Variants in CTDP1 observed in about 807,000 individuals in gnomAD.
The protein encoded by CTDP1 is RNA polymerase II subunit A C-terminal domain phosphatase.
In CTDP1, 47 loss-of-function variants were observed where a neutral mutation model predicts 91.8. The ratio of observed to expected loss-of-function variants is 0.51; its 90% confidence interval spans 0.41 to 0.65. CTDP1 has a LOEUF of 0.65. CTDP1 is among the 30% of genes least tolerant of loss of function. The pLI is 0.00. For synonymous variants in CTDP1, 656 were observed against 598.5 expected (o/e 1.10, Z -1.40); for missense variants, 1,272 against 1,373.7 (o/e 0.93, Z 1.17).
intron 11 of CTDP1, among the ~76,000 whole-genome samples, chr18:79,729,563 C>T (rs141945875): frequency 6.0e-4 from 91 of 152,356 alleles, no homozygotes; most frequent in Admixed American, 1.8e-3. Flanking sequence ...CACAGCATCT[C>T]GTTATCACAG....
intron 1 of CTDP1, among the ~76,000 whole-genome samples, chr18:79,691,423 G>T (rs2085618075): frequency 6.6e-6 from 1 of 152,176 alleles, no homozygotes; most frequent in Non-Finnish European, 1.5e-5. Context: ...GCAGCCTAGT[G>T]TCAATGTGCG....
intron 3 of CTDP1, 99 bp from the exon 4 acceptor site, chr18:79,697,761 G>C (rs1208045505): frequency 1.3e-6 from 2 of 1,545,404 alleles, no homozygotes; most frequent in Non-Finnish European, 1.8e-6. Flanking sequence ...GGCTGGAGGG[G>C]AACACATTGA....
chr18:79,739,069 CCT>C (rs1241465567), intron 12 of CTDP1, among the ~76,000 whole-genome samples: 2 of 152,208 alleles, frequency 1.3e-5, no homozygotes, highest in Non-Finnish European at 2.9e-5. Flanking sequence ...ACTGCCCTCC[CCT>C]GAAGACCCTC....
intron 1 of CTDP1, chr18:79,681,500 C>T (rs1031039756): frequency 1.0e-6 from 1 of 985,132 alleles, no homozygotes; most frequent in African/African-American, 1.7e-5. Flanking sequence ...ACAGAAAGGG[C>T]TGCTTTGGCC....
intron 3 of CTDP1, 96 bp downstream of exon 3, chr18:79,696,166 G>A (rs1044348363): frequency 5.7e-6 from 6 of 1,044,780 alleles, no homozygotes; most frequent in East Asian, 2.5e-5. Flanking sequence ...CGGACGTGTG[G>A]TTGTCATCGT....
chr18:79,727,720 G>C (rs892473543), intron 10 of CTDP1, among the ~76,000 whole-genome samples: 2 of 152,110 alleles, frequency 1.3e-5, no homozygotes, highest in Non-Finnish European at 2.9e-5. Context: ...CACCAGGATG[G>C]GTTTTATCAC....
intron 12 of CTDP1, among the ~76,000 whole-genome samples, chr18:79,739,781 G>A (rs957852853): frequency 1.3e-5 from 2 of 151,020 alleles, no homozygotes; most frequent in Non-Finnish European, 2.9e-5. Context: ...CCGCCAGGAC[G>A]GGTGGGACTC....
At chr18:79,744,244 C>T (rs12959048) in intron 12 of CTDP1, among the ~76,000 whole-genome samples, 70,469 of 152,000 alleles carry the variant, frequency 0.46, 16,524 homozygotes, top group East Asian at 0.58. Context: ...AGCCGTGCCC[C>T]GACCACCTCA....
At chr18:79,704,726 C>T in intron 4 of CTDP1, 41 bp from the exon 5 acceptor site, 2 of 1,611,312 alleles carry the variant, frequency 1.2e-6, no homozygotes, top group Non-Finnish European at 1.7e-6. Context: ...GCCGGGGCTC[C>T]TCAGGCCTTT....
chr18:79,754,241 T>C lies in CTDP1; in HGVS notation c.*451T>C, dbSNP rs1176881730. On this transcript the variant is annotated 3_prime_UTR_variant, in exon 13 of 13. Coordinates refer to ENST00000613122, the MANE Select transcript of CTDP1 (RefSeq NM_004715.5). ...CATGCCTGGAACCCCCGCCGCCTGC[T>C]GCTCCCTCCTAGGGAACCCATTTCC... is the stretch of plus-strand genomic sequence containing the variant. 2 of 239,690 alleles carry C rather than the reference T, an allele frequency of 8.3e-6. No individual in the cohort carries two copies. Among genetic ancestry groups the C allele is most frequent in the East Asian group, 1.1e-4 (1 of 9,054 alleles). The allele number at this position is 239,690 out of a possible 1,614,324, so 14.8% of individuals were successfully genotyped here.
chr18:79,682,296 C>T (rs922722002), intron 1 of CTDP1, among the ~76,000 whole-genome samples: 1 of 152,212 alleles, frequency 6.6e-6, no homozygotes, highest in Non-Finnish European at 1.5e-5. Context: ...TTACTAGATT[C>T]AGTCACTTGT....
At chr18:79,744,405 C>CA (rs750716595) in intron 12 of CTDP1, among the ~76,000 whole-genome samples, 3 of 152,056 alleles carry the variant, frequency 2.0e-5, no homozygotes, top group African/African-American at 7.2e-5. Flanking sequence ...TCACTTAATG[C>CA]AAAAGAAAAC....
intron 11 of CTDP1, among the ~76,000 whole-genome samples, chr18:79,733,512 C>T (rs1413574634): frequency 1.3e-5 from 2 of 152,182 alleles, no homozygotes; most frequent in Non-Finnish European, 2.9e-5. Context: ...CGTCCGCTGC[C>T]TCTGCAGCTG....
intron 5 of CTDP1, among the ~76,000 whole-genome samples, chr18:79,709,212 C>G (rs1354778205): frequency 6.6e-6 from 1 of 152,194 alleles, no homozygotes; most frequent in East Asian, 1.9e-4. Context: ...ACCCCTACTT[C>G]TACAAACTGA....
chr18:79,736,945 CTG>C (rs1335662189), intron 12 of CTDP1, among the ~76,000 whole-genome samples: 7 of 151,692 alleles, frequency 4.6e-5, no homozygotes, highest in South Asian at 4.2e-4. Flanking sequence ...TGTACGGGGT[CTG>C]TATGTGTGCA....
intron 3 of CTDP1, among the ~76,000 whole-genome samples, chr18:79,697,146 AC>A (rs1180606137): frequency 1.3e-5 from 2 of 151,894 alleles, no homozygotes; most frequent in Middle Eastern, 3.4e-3. Context: ...AGGAGGAAGT[AC>A]CCCCCATCTT....
At chr18:79,705,355 A>T (rs1178561575) in intron 5 of CTDP1, among the ~76,000 whole-genome samples, 1 of 152,184 alleles carries the variant, frequency 6.6e-6, no homozygotes, top group African/African-American at 2.4e-5. Context: ...CCTGGGTGAT[A>T]GCGTGAATGC....
At chr18:79,685,004 A>ATCAGT (rs1568171041) in intron 1 of CTDP1, among the ~76,000 whole-genome samples, 4 of 37,230 alleles carry the variant, frequency 1.1e-4, no homozygotes, top group Non-Finnish European at 1.8e-4. Flanking sequence ...CCTGGTGAGG[A>ATCAGT]GGACGGTGCA....
chr18:79,695,622 G>A (rs1380070560), intron 2 of CTDP1, among the ~76,000 whole-genome samples: 2 of 152,218 alleles, frequency 1.3e-5, no homozygotes, highest in African/African-American at 2.4e-5. Flanking sequence ...CTGGGCCGCT[G>A]AGCGCCCCAT....
Sources: gnomAD v4.1 joint callset for allele counts (sites outside exome capture counted in the v4.1 genomes callset) on GRCh38, gnomAD v4.1.1 for gene constraint, MANE v1.5 for transcripts, NCBI Gene and HGNC (gene_info 2026-07-23, HGNC 2026-07-21) for gene names.